C3orf70: variants seen among roughly 807,000 people sequenced by gnomAD.
C3orf70 encodes UPF0524 protein C3orf70.
In C3orf70, 15 loss-of-function variants were observed where a neutral mutation model predicts 20.7. The observed-to-expected ratio is 0.72, with a 90% CI of 0.48 to 1.11. The LOEUF is 1.11. Ranked by LOEUF, C3orf70 falls within the 50% of genes most tolerant of loss-of-function variation. The probability of loss-of-function intolerance (pLI) is 0.00; values close to 1 mark genes in which losing one functional copy is unlikely to be tolerated. For missense variants in C3orf70, 332 were observed against 317.6 expected (o/e 1.05, Z -0.34); for synonymous variants, 161 against 125.7 (o/e 1.28, Z -1.88).
chr3:185,091,943 ATATATATATATATATATATATT>A (rs1337882355), intron 1 of C3orf70, among the ~76,000 whole-genome samples: 210 of 8,004 alleles, frequency 0.026, 16 homozygotes, highest in Middle Eastern at 0.19. Context: ...ATATATATAT[ATATATATATATATATATATATT>A]TTTTTTTTTT....
At chr3:185,106,647 G>A (rs943044621) in intron 1 of C3orf70, among the ~76,000 whole-genome samples, 3 of 152,216 alleles carry the variant, frequency 2.0e-5, no homozygotes, top group Non-Finnish European at 2.9e-5. Context: ...GGCCTTTCCA[G>A]CTCAGGCCAT....
chr3:185,086,093 C>G (rs1419443035), intron 1 of C3orf70, among the ~76,000 whole-genome samples: 1 of 152,132 alleles, frequency 6.6e-6, no homozygotes, highest in Non-Finnish European at 1.5e-5. Context: ...TTCATGCCTT[C>G]CAGAACCATC....
intron 1 of C3orf70, among the ~76,000 whole-genome samples, chr3:185,145,299 A>C (rs1716833998): frequency 6.6e-6 from 1 of 152,244 alleles, no homozygotes; most frequent in African/African-American, 2.4e-5. Flanking sequence ...TCTAAGTTCA[A>C]CAGGCTTGGA....
chr3:185,096,249 A>ATGAG (rs1202868257), intron 1 of C3orf70, among the ~76,000 whole-genome samples: 1 of 152,178 alleles, frequency 6.6e-6, no homozygotes, highest in Non-Finnish European at 1.5e-5. Context: ...AGGGGAAGTA[A>ATGAG]TGAGTTTAAT....
intron 1 of C3orf70, among the ~76,000 whole-genome samples, chr3:185,096,486 G>A (rs1341706435): frequency 6.6e-6 from 1 of 152,142 alleles, no homozygotes; most frequent in Non-Finnish European, 1.5e-5. Context: ...CTATGAATGT[G>A]CTAGCTGTCA....
intron 1 of C3orf70, among the ~76,000 whole-genome samples, chr3:185,121,651 G>C (rs1200005219): frequency 6.6e-6 from 1 of 152,170 alleles, no homozygotes; most frequent in Admixed American, 6.5e-5. Context: ...AGGAGAGAGA[G>C]TGTAATGAGA....
chr3:185,146,411 C>T (rs539792459), intron 1 of C3orf70, among the ~76,000 whole-genome samples: 213 of 151,778 alleles, frequency 1.4e-3, no homozygotes, highest in Admixed American at 1.9e-3. Flanking sequence ...CCTCAGCCTC[C>T]CGAGGAGCTG....
At chr3:185,090,398 G>T (rs1024590761) in intron 1 of C3orf70, among the ~76,000 whole-genome samples, 6 of 152,124 alleles carry the variant, frequency 3.9e-5, no homozygotes, top group Admixed American at 3.9e-4. Context: ...AGCTCCTTTG[G>T]GGGGAAAATG....
At chr3:185,138,891 G>A (rs1441927275) in intron 1 of C3orf70, among the ~76,000 whole-genome samples, 2 of 152,194 alleles carry the variant, frequency 1.3e-5, no homozygotes, top group East Asian at 1.9e-4. Context: ...CTTGAGCCCA[G>A]AAGTTTGAGA....
intron 1 of C3orf70, among the ~76,000 whole-genome samples, chr3:185,112,380 C>T (rs1025901726): frequency 1.3e-5 from 2 of 152,162 alleles, no homozygotes; most frequent in African/African-American, 4.8e-5. Context: ...TCATTTGCCA[C>T]CTGGTTCTCA....
chr3:185,097,648 C>T (rs1715736019), intron 1 of C3orf70, among the ~76,000 whole-genome samples: 1 of 152,318 alleles, frequency 6.6e-6, no homozygotes, highest in Middle Eastern at 3.4e-3. Flanking sequence ...AGCATCATGG[C>T]TGGCCAAGGA....
At chr3:185,117,418 T>TACACACACACACACACAC (rs141665642) in intron 1 of C3orf70, among the ~76,000 whole-genome samples, 1 of 135,112 alleles carries the variant, frequency 7.4e-6, no homozygotes, top group Non-Finnish European at 1.7e-5. Context: ...ACCACACACA[T>TACACACACACACACACAC]ACACACACAC....
At position 185,083,300 on chromosome 3, in the gene C3orf70, A is replaced by C. The variant is rs766374110; in HGVS notation, c.460T>G (p.Ser154Ala). The stretch of plus-strand genomic sequence containing the variant: ...ACCTCCTCAGGGCTCATTCTGTGGG[A>C]ATGTGGTGCCGGCTGCTTCTGCACA... ...CYVQKQPAPH[S>A]HRMSPEEVSA... Residue 154 changes from serine (S) to alanine (A), a missense_variant, in exon 2 of 2, where the codon TCC (serine) becomes GCC (alanine). By Grantham distance (99) the Ser-to-Ala change is moderately conservative. Transcript: ENST00000335012. The C allele has an allele frequency of 3.1e-6, 5 of 1,614,146 alleles. No individual in the cohort carries two copies. The highest frequency in any genetic ancestry group is 4.2e-6 in the Non-Finnish European group (5 of 1,180,020).
At chr3:185,094,494 C>T (rs1026531437) in intron 1 of C3orf70, among the ~76,000 whole-genome samples, 1 of 152,072 alleles carries the variant, frequency 6.6e-6, no homozygotes, top group African/African-American at 2.4e-5. Flanking sequence ...CCCACTATAA[C>T]GTGGTAAGAG....
intron 1 of C3orf70, among the ~76,000 whole-genome samples, chr3:185,090,743 C>T (rs1465629556): frequency 6.6e-6 from 1 of 152,092 alleles, no homozygotes; most frequent in African/African-American, 2.4e-5. Flanking sequence ...AGCAAATGAA[C>T]TTAGTATTTA....
chr3:185,079,802 T>C lies in C3orf70; in HGVS notation c.*3205A>G, dbSNP rs926745342. ...AGCCCAACCCTTGCTCCAATGAGCA[T>C]ATTACTGGGTCCAAAGTATACAGCT... On this transcript the variant is annotated 3_prime_UTR_variant, in exon 2 of 2. Transcript: ENST00000335012. The C allele has an allele frequency of 2.6e-5, 4 of 152,680 alleles. No homozygotes were observed. The East Asian group carries it at 7.7e-4, about 29-fold the overall frequency. The allele number at this position is 152,680 out of a possible 1,614,324, so 9.5% of individuals were successfully genotyped here. A position where few individuals can be genotyped will look rare whatever the true frequency, so the allele number is the denominator to read the frequency against.
chr3:185,125,418 A>AAC (rs1164888543), intron 1 of C3orf70, among the ~76,000 whole-genome samples: 1 of 141,510 alleles, frequency 7.1e-6, no homozygotes, highest in East Asian at 2.1e-4. Context: ...CAACAACAAC[A>AAC]ACAACAACAA....
At chr3:185,089,160 C>G (rs1662816296) in intron 1 of C3orf70, among the ~76,000 whole-genome samples, 1 of 152,168 alleles carries the variant, frequency 6.6e-6, no homozygotes, top group South Asian at 2.1e-4. Context: ...GTTATAATTC[C>G]CAAATAAATT....
chr3:185,109,066 C>T (rs1716006881), intron 1 of C3orf70, among the ~76,000 whole-genome samples: 1 of 152,136 alleles, frequency 6.6e-6, no homozygotes, highest in East Asian at 1.9e-4. Flanking sequence ...CAAGGACAAG[C>T]CATAGTGGAA....
Sources: gnomAD v4.1 joint callset for allele counts (sites outside exome capture counted in the v4.1 genomes callset) on GRCh38, gnomAD v4.1.1 for gene constraint, MANE v1.5 for transcripts, NCBI Gene and HGNC (gene_info 2026-07-23, HGNC 2026-07-21) for gene names.